CAMSAP2: variants seen among roughly 807,000 people sequenced by gnomAD.
CAMSAP2 encodes the protein calmodulin regulated spectrin associated protein family member 2, also known as calmodulin-regulated spectrin-associated protein 2.
Under a neutral mutation model 146.1 loss-of-function variants are expected in CAMSAP2, and 26 were observed. That is an observed-to-expected ratio of 0.18 (90% CI 0.13 to 0.25). CAMSAP2 has a LOEUF of 0.25. Among genes scored for constraint, CAMSAP2 ranks in the 10% least tolerant of loss-of-function variants. CAMSAP2 has a pLI of 1.00. For synonymous variants in CAMSAP2, 499 were observed against 596.6 expected (o/e 0.84, Z 2.38); for missense variants, 1,381 against 1,759.3 (o/e 0.78, Z 3.85).
At chr1:200,817,157 TAC>T (rs1211763114) in intron 4 of CAMSAP2, among the ~76,000 whole-genome samples, 10 of 95,940 alleles carry the variant, frequency 1.0e-4, no homozygotes, top group Admixed American at 2.0e-4. Flanking sequence ...CATACACACA[TAC>T]ACACACGTGT....
intron 2 of CAMSAP2, 29 bp downstream of exon 2, chr1:200,761,127 TAAGTTTG>T: frequency 6.2e-7 from 1 of 1,604,794 alleles, no homozygotes; most frequent in Non-Finnish European, 8.5e-7. Flanking sequence ...AAGATTATTT[TAAGTTTG>T]AAGTGTGTAC....
chr1:200,818,530 T>G (rs2102184161), intron 4 of CAMSAP2, among the ~76,000 whole-genome samples: 1 of 152,304 alleles, frequency 6.6e-6, no homozygotes, highest in Middle Eastern at 3.4e-3. Context: ...CAAATGAATT[T>G]TATCCTTTTC....
At position 200,739,145 on chromosome 1, in the gene CAMSAP2, G is replaced by A. The variant is rs1381842994; in HGVS notation, c.-683G>A. 6.6e-6 allele frequency among the ~76,000 whole-genome samples: 1 copy of A among 152,084 alleles called. No homozygotes were observed. The highest frequency in any genetic ancestry group is 6.5e-5 in the Admixed American group (1 of 15,286). On this transcript the variant is annotated 5_prime_UTR_variant, in exon 1 of 17. Coordinates refer to ENST00000358823, the MANE Select transcript of CAMSAP2 (RefSeq NM_203459.4). The surrounding 1 kb of genome is among the most constrained non-coding windows in gnomAD (Gnocchi z 4.8). Reference sequence around the variant, plus strand: ...GGCGGCAGGGGAAGGAGGAGACGGCGACGGGAGGGAGCACAGAGGAGGGGA... The same window carrying A: ...GGCGGCAGGGGAAGGAGGAGACGGCAACGGGAGGGAGCACAGAGGAGGGGA...
At chr1:200,769,400 G>A (rs1665049984) in intron 2 of CAMSAP2, among the ~76,000 whole-genome samples, 1 of 152,116 alleles carries the variant, frequency 6.6e-6, no homozygotes, top group Non-Finnish European at 1.5e-5. Flanking sequence ...AACACACCAA[G>A]CAACGGACAC....
At chr1:200,750,144 A>G (rs532438037) in intron 1 of CAMSAP2, among the ~76,000 whole-genome samples, 2 of 152,266 alleles carry the variant, frequency 1.3e-5, no homozygotes, top group South Asian at 4.1e-4. Flanking sequence ...ATGTGGGAAG[A>G]CAAAATTTGG....
intron 4 of CAMSAP2, among the ~76,000 whole-genome samples, chr1:200,816,821 C>T (rs572485973): frequency 2.0e-4 from 10 of 49,800 alleles, no homozygotes; most frequent in African/African-American, 1.1e-3. Flanking sequence ...TATGTGTGTA[C>T]ACACACACGC....
chr1:200,751,691 T>A (rs7548165), intron 1 of CAMSAP2, among the ~76,000 whole-genome samples: 25,717 of 152,024 alleles, frequency 0.17, 2,885 homozygotes, highest in East Asian at 0.35. Context: ...TGTCAAAAGC[T>A]TTCCCTGGCT....
intron 4 of CAMSAP2, among the ~76,000 whole-genome samples, chr1:200,824,219 C>A (rs1276839383): frequency 6.6e-6 from 1 of 150,400 alleles, no homozygotes; most frequent in Non-Finnish European, 1.5e-5. Flanking sequence ...TTTGATATGC[C>A]CCCATTCATC....
Position 200,860,672 on chromosome 1 carries a change from C to T in CAMSAP2, c.*2613C>T, listed in dbSNP as rs926907896. The T allele has an allele frequency of 6.6e-6, 1 of 152,164 alleles. No individual in the cohort carries two copies. The highest frequency in any genetic ancestry group is 2.4e-5 in the African/African-American group (1 of 41,418). The allele number at this position is 152,164 out of a possible 1,614,324, so 9.4% of individuals were successfully genotyped here. ...TATTTCCTGGTACAGTGTAGTTTTT[C>T]CCCTTTCATTTGAATAAAAGCATGG... On this transcript the variant is annotated 3_prime_UTR_variant, in exon 17 of 17. Transcript: ENST00000358823.
chr1:200,750,542 C>T (rs989105862), intron 1 of CAMSAP2, among the ~76,000 whole-genome samples: 2 of 151,874 alleles, frequency 1.3e-5, no homozygotes, highest in Non-Finnish European at 2.9e-5. Flanking sequence ...CTGTCTCATT[C>T]CTTCTTCCTA....
At chr1:200,822,859 A>T (rs1666811059) in intron 4 of CAMSAP2, among the ~76,000 whole-genome samples, 5 of 152,242 alleles carry the variant, frequency 3.3e-5, no homozygotes, top group Non-Finnish European at 7.3e-5. Context: ...CACTCCTCAG[A>T]ACAGCATGCA....
chr1:200,821,599 G>A (rs967696592), intron 4 of CAMSAP2, among the ~76,000 whole-genome samples: 2 of 152,256 alleles, frequency 1.3e-5, no homozygotes, highest in African/African-American at 4.8e-5. Context: ...GGCCTCCAGC[G>A]ATCCACCCGC....
At chr1:200,803,789 A>G (rs1354218130) in intron 2 of CAMSAP2, among the ~76,000 whole-genome samples, 1 of 152,188 alleles carries the variant, frequency 6.6e-6, no homozygotes. Context: ...GAAGTAAACT[A>G]TAGATTTTAT....
chr1:200,858,799 T>A lies in CAMSAP2; in HGVS notation c.*740T>A, dbSNP rs1667811351. On this transcript the variant is annotated 3_prime_UTR_variant, in exon 17 of 17. Transcript: ENST00000358823. Reference sequence around the variant, plus strand: ...GAATATGTTATGAGAAGTTGCTGATTAAATCAGTGCTGTTTTTACACCACT... The same window carrying A: ...GAATATGTTATGAGAAGTTGCTGATAAAATCAGTGCTGTTTTTACACCACT... 1 of 152,652 alleles carries A rather than the reference T, an allele frequency of 6.6e-6. No individual in the cohort carries two copies. The highest frequency in any genetic ancestry group is 6.5e-5 in the Admixed American group (1 of 15,278). 9.5% of individuals were successfully genotyped at this position (152,652 alleles called of 1,614,324 possible).
Position 200,815,767 on chromosome 1 carries a change from CTAGAAAGCCA to C in CAMSAP2, c.645+126_645+135del, listed in dbSNP as rs1337971266. 6.8e-6 allele frequency: 3 copies of C among 440,446 alleles called. No individual in the cohort carries two copies. In the East Asian group the frequency reaches 1.1e-4, roughly 16 times the overall value. 27.3% of individuals were successfully genotyped at this position (440,446 alleles called of 1,614,324 possible). On this transcript the variant is annotated intron_variant, in intron 4 of 16. Transcript: ENST00000358823. ...ATTTTTTAGTGGTGTTAACTGTACC[CTAGAAAGCCA>C]TACTGTAAACACTAAGTAAATAGAA...
chr1:200,858,992 ATTATAT>A lies in CAMSAP2; in HGVS notation c.*939_*944del, dbSNP rs1667815935. 6.6e-6 allele frequency: 1 copy of A among 152,436 alleles called. No homozygotes were observed. Among genetic ancestry groups the A allele is most frequent in the East Asian group, 1.9e-4 (1 of 5,218 alleles). 9.4% of individuals were successfully genotyped at this position (152,436 alleles called of 1,614,324 possible). ...AAACAAGTTCTCAAGAAGTCTTTAC[ATTATAT>A]TTATAACTCATATAAAAATTATATT... On this transcript the variant is annotated 3_prime_UTR_variant, in exon 17 of 17. Coordinates refer to ENST00000358823, the MANE Select transcript of CAMSAP2 (RefSeq NM_203459.4).
chr1:200,739,444 G>C lies in CAMSAP2; in HGVS notation c.-384G>C, dbSNP rs1025091802. ...CCCATCCCCCCTCCCTTAAAATTCC[G>C]GGCCCTTCCAGCCTCCACCCTCCCC... is the stretch of plus-strand genomic sequence containing the variant. On this transcript the variant is annotated 5_prime_UTR_variant, in exon 1 of 17. Transcript: ENST00000358823. This position sits in a 1 kb window ranked among gnomAD's most constrained non-coding sequence, Gnocchi z 4.8. 1.3e-5 allele frequency: 2 copies of C among 151,782 alleles called. No homozygotes were observed. Among genetic ancestry groups the C allele is most frequent in the African/African-American group, 4.9e-5 (2 of 41,192 alleles). 9.4% of individuals were successfully genotyped at this position (151,782 alleles called of 1,614,324 possible).
At chr1:200,753,315 A>T (rs1287607122) in intron 1 of CAMSAP2, among the ~76,000 whole-genome samples, 1 of 151,486 alleles carries the variant, frequency 6.6e-6, no homozygotes, top group South Asian at 2.1e-4. Flanking sequence ...AAAAAAAAAA[A>T]AAGATAGAGC....
chr1:200,800,223 T>C (rs1225978036), intron 2 of CAMSAP2, among the ~76,000 whole-genome samples: 1 of 152,168 alleles, frequency 6.6e-6, no homozygotes, highest in African/African-American at 2.4e-5. Context: ...TGAATATCCT[T>C]GTTGATTTTC....
Sources: allele counts gnomAD v4.1 joint callset (sites outside exome capture counted in the v4.1 genomes callset), GRCh38; gene constraint gnomAD v4.1.1; non-coding constraint Gnocchi (gnomAD v3.1); transcripts MANE v1.5; gene names NCBI Gene and HGNC (gene_info 2026-07-23, HGNC 2026-07-21).